SPTLC1: variants seen among roughly 807,000 people sequenced by gnomAD.
The protein encoded by SPTLC1 is serine palmitoyltransferase long chain base subunit 1.
SPTLC1 carries 55 observed loss-of-function variants against 68.9 expected under a neutral mutation model. That is an observed-to-expected ratio of 0.80 (90% CI 0.64 to 1.00). The LOEUF is 1.00. Among genes scored for constraint, SPTLC1 ranks in the 50% least tolerant of loss-of-function variants. SPTLC1 has a pLI of 0.00. For synonymous variants in SPTLC1, 197 were observed against 201.6 expected, an observed-to-expected ratio of 0.98 and a Z score of 0.19; for missense variants, 449 against 573.1, an observed-to-expected ratio of 0.78 and a Z score of 2.21.
At chr9:92,049,921 C>T in intron 9 of SPTLC1, 39 bp downstream of exon 9, 2 of 1,278,420 alleles carry the variant, frequency 1.6e-6, no homozygotes, top group Non-Finnish European at 2.3e-6. Flanking sequence ...TACATGTCTC[C>T]TATAAGAGGG....
At chr9:92,086,208 T>C (rs1011126461) in intron 3 of SPTLC1, among the ~76,000 whole-genome samples, 16 of 152,108 alleles carry the variant, frequency 1.1e-4, no homozygotes, top group African/African-American at 3.6e-4. Context: ...TTTGCCAGTC[T>C]GTGTCTTTTA....
At chr9:92,053,107 G>A (rs890330499) in intron 8 of SPTLC1, among the ~76,000 whole-genome samples, 44 of 149,254 alleles carry the variant, frequency 2.9e-4, no homozygotes, top group African/African-American at 9.9e-4. Flanking sequence ...AAAGGTATAC[G>A]CATGGCCAAA....
intron 6 of SPTLC1, among the ~76,000 whole-genome samples, chr9:92,064,081 T>C (rs1312103940): frequency 1.3e-5 from 2 of 152,204 alleles, no homozygotes; most frequent in Non-Finnish European, 2.9e-5. Flanking sequence ...ATGACGACTG[T>C]CTACATGGAA....
At chr9:92,035,675 T>TA (rs894464965) in intron 13 of SPTLC1, among the ~76,000 whole-genome samples, 26 of 151,316 alleles carry the variant, frequency 1.7e-4, no homozygotes, top group South Asian at 4.2e-4. Context: ...TGAGTTATAT[T>TA]AAAAAAAAAT....
chr9:92,091,882 T>C (rs1241679465), intron 3 of SPTLC1, among the ~76,000 whole-genome samples: 2 of 152,212 alleles, frequency 1.3e-5, no homozygotes, highest in Non-Finnish European at 2.9e-5. Flanking sequence ...CTGGTGTAGC[T>C]ACACTGCTAT....
intron 11 of SPTLC1, among the ~76,000 whole-genome samples, chr9:92,046,728 C>T (rs539587352): frequency 2.6e-5 from 4 of 152,270 alleles, no homozygotes; most frequent in South Asian, 2.1e-4. Flanking sequence ...CTGGTAAACC[C>T]GGCTTGGCCT....
chr9:92,036,231 A>C (rs1587901669), intron 13 of SPTLC1, among the ~76,000 whole-genome samples: 1 of 152,330 alleles, frequency 6.6e-6, no homozygotes, highest in East Asian at 1.9e-4. Flanking sequence ...GGATTTCCTT[A>C]AGAGAGCCAG....
At position 92,112,420 on chromosome 9, in the gene SPTLC1, T is replaced by C. The variant is rs376474503; in HGVS notation, c.165+35A>G. The C allele has an allele frequency of 2.8e-6, 4 of 1,415,494 alleles. No homozygotes were observed. In the African/African-American group the frequency reaches 4.2e-5, roughly 15 times the overall value. The allele number at this position is 1,415,494 out of a possible 1,614,324, so 87.7% of individuals were successfully genotyped here. ...GAAAGACATAGCAACTATAATCACA[T>C]ACCCAATAATTAAAACAGAGATTTA... On this transcript the variant is annotated intron_variant, in intron 2 of 14. Transcript: ENST00000262554.
intron 6 of SPTLC1, among the ~76,000 whole-genome samples, chr9:92,062,804 C>G (rs912995656): frequency 6.6e-6 from 1 of 152,092 alleles, no homozygotes; most frequent in African/African-American, 2.4e-5. Context: ...CACCCTATTT[C>G]TTAAAACAAA....
chr9:92,072,290 C>T lies in SPTLC1; in HGVS notation c.428-4192G>A, dbSNP rs187615302. Among the ~76,000 whole-genome samples, 3 of 152,280 alleles carry T rather than the reference C, an allele frequency of 2.0e-5. No individual in the cohort carries two copies. In the East Asian group the frequency reaches 5.8e-4, roughly 29 times the overall value. ...TGTCTACGGATCGGGTAAGCTGCCTCGGTCTCTCCTCATCTCTCTCCCTCT... is the reference window on the plus strand; with the variant it reads ...TGTCTACGGATCGGGTAAGCTGCCTTGGTCTCTCCTCATCTCTCTCCCTCT... On this transcript the variant is annotated intron_variant, in intron 5 of 14. Transcript: ENST00000262554.
intron 3 of SPTLC1, among the ~76,000 whole-genome samples, chr9:92,098,564 T>C (rs1309419223): frequency 2.0e-5 from 3 of 152,032 alleles, no homozygotes; most frequent in Non-Finnish European, 2.9e-5. Context: ...AATAAAAATA[T>C]TGTGCATATT....
chr9:92,042,563 T>C (rs1297484016), intron 12 of SPTLC1, among the ~76,000 whole-genome samples: 1 of 152,178 alleles, frequency 6.6e-6, no homozygotes, highest in African/African-American at 2.4e-5. Context: ...AAAGGTTCCA[T>C]AAAGGTACAA....
chr9:92,067,724 T>C (rs571485443), intron 6 of SPTLC1, among the ~76,000 whole-genome samples: 5 of 152,286 alleles, frequency 3.3e-5, no homozygotes, highest in South Asian at 2.1e-4. Context: ...AGAAGGCAGA[T>C]AGCTGTCCTC....
intron 12 of SPTLC1, among the ~76,000 whole-genome samples, chr9:92,044,940 A>ACCATAGAGTGAAAGG (rs1833458581): frequency 6.6e-6 from 1 of 152,212 alleles, no homozygotes; most frequent in South Asian, 2.1e-4. Flanking sequence ...GCAGGTTAAC[A>ACCATAGAGTGAAAGG]CCATAGAGTG....
Position 92,075,426 on chromosome 9 carries a change from CT to C in SPTLC1, c.427+4589del, listed in dbSNP as rs1834648742. 2.0e-5 allele frequency among the ~76,000 whole-genome samples: 3 copies of C among 152,260 alleles called. No individual in the cohort carries two copies. In the South Asian group the frequency reaches 6.2e-4, roughly 32 times the overall value. On this transcript the variant is annotated intron_variant, in intron 5 of 14. Transcript: ENST00000262554. ...ATCCTAAATCCTTCCCTCGCCCCTCCTTTTACTCTAAAAAAGGCCCTAGAGG... is the reference window on the plus strand; with the variant it reads ...ATCCTAAATCCTTCCCTCGCCCCTCCTTTACTCTAAAAAAGGCCCTAGAGG...
intron 5 of SPTLC1, among the ~76,000 whole-genome samples, chr9:92,076,555 T>C (rs1391102115): frequency 6.6e-6 from 1 of 152,210 alleles, no homozygotes; most frequent in Non-Finnish European, 1.5e-5. Context: ...CCTCCTTTGA[T>C]GACCACTTCC....
chr9:92,078,877 G>C (rs969004120), intron 5 of SPTLC1, among the ~76,000 whole-genome samples: 3 of 151,976 alleles, frequency 2.0e-5, no homozygotes, highest in East Asian at 1.9e-4. Context: ...ACTAGCTTAG[G>C]GATAACATAA....
At chr9:92,045,898 T>G in intron 12 of SPTLC1, 101 bp downstream of exon 12, 1 of 1,086,696 alleles carries the variant, frequency 9.2e-7, no homozygotes, top group Admixed American at 2.1e-5. Context: ...TTAGCTGCAA[T>G]CTGGTCAAAC....
chr9:92,052,126 C>A (rs1328209985), intron 8 of SPTLC1, among the ~76,000 whole-genome samples: 7 of 152,150 alleles, frequency 4.6e-5, no homozygotes, highest in African/African-American at 1.7e-4. Flanking sequence ...TCAAGAGACC[C>A]CAAATAGCTA....
Sources: allele counts gnomAD v4.1 joint callset (sites outside exome capture counted in the v4.1 genomes callset), GRCh38; gene constraint gnomAD v4.1.1; transcripts MANE v1.5; gene names NCBI Gene and HGNC (gene_info 2026-07-23, HGNC 2026-07-21).